KCTD1: variants seen among roughly 807,000 people sequenced by gnomAD.
KCTD1 encodes the protein BTB/POZ domain-containing protein KCTD1.
KCTD1 carries 24 observed loss-of-function variants against 66.0 expected under a neutral mutation model. The ratio of observed to expected loss-of-function variants is 0.36; its 90% confidence interval spans 0.26 to 0.51. The LOEUF is 0.51. Ranked by LOEUF, KCTD1 falls within the 20% of genes least tolerant of loss-of-function variation. The pLI, the probability that KCTD1 is intolerant of heterozygous loss-of-function variation, is 0.95. For synonymous variants in KCTD1, 511 were observed against 517.2 expected (o/e 0.99, Z 0.16); for missense variants, 943 against 1,205.2 (o/e 0.78, Z 3.22).
chr18:26,644,197 A>T (rs1216925182), upstream of KCTD1, among the ~76,000 whole-genome samples: 1 of 152,166 alleles, frequency 6.6e-6, no homozygotes, highest in African/African-American at 2.4e-5. Flanking sequence ...AAAGCCATGT[A>T]AATACTGGAT....
At chr18:26,562,166 T>A (rs950527899) in intron 1 of KCTD1, among the ~76,000 whole-genome samples, 11 of 152,044 alleles carry the variant, frequency 7.2e-5, no homozygotes, top group African/African-American at 2.7e-4. Context: ...ACCTGGACAA[T>A]ATCCCATCCT....
intron 2 of KCTD1, among the ~76,000 whole-genome samples, chr18:26,494,321 T>C (rs1451274587): frequency 1.3e-5 from 2 of 152,178 alleles, no homozygotes; most frequent in African/African-American, 4.8e-5. Flanking sequence ...CAATGAGCTA[T>C]GATCCTGCTA....
At chr18:26,545,980 G>C (rs1985192743) in intron 1 of KCTD1, among the ~76,000 whole-genome samples, 1 of 152,018 alleles carries the variant, frequency 6.6e-6, no homozygotes, top group African/African-American at 2.4e-5. Context: ...TACTTCGTAG[G>C]TATTATCTGC....
At chr18:26,618,229 C>T (rs1987301000) in intron 1 of KCTD1, among the ~76,000 whole-genome samples, 1 of 152,168 alleles carries the variant, frequency 6.6e-6, no homozygotes, top group Non-Finnish European at 1.5e-5. Flanking sequence ...TATGCAGACT[C>T]AGTGGGAATG....
intron 1 of KCTD1, among the ~76,000 whole-genome samples, chr18:26,531,088 C>T (rs556558359): frequency 6.6e-6 from 1 of 152,288 alleles, no homozygotes; most frequent in African/African-American, 2.4e-5. Flanking sequence ...TTTATTTAAA[C>T]AGTAGAAGGA....
intron 1 of KCTD1, among the ~76,000 whole-genome samples, chr18:26,584,937 G>A (rs909568099): frequency 5.9e-5 from 9 of 152,184 alleles, no homozygotes; most frequent in Non-Finnish European, 1.3e-4. Context: ...GGAGGAGCAC[G>A]TAGTCCTGCT....
chr18:26,627,532 C>A (rs1987529768), intron 1 of KCTD1, among the ~76,000 whole-genome samples: 1 of 152,030 alleles, frequency 6.6e-6, no homozygotes, highest in Non-Finnish European at 1.5e-5. Context: ...ACTAATTATC[C>A]CAATGCATTG....
intron 1 of KCTD1, among the ~76,000 whole-genome samples, chr18:26,588,327 A>AAGGGAAGGGAAGGGAAGGGAAG: frequency 4.5e-5 from 5 of 111,038 alleles, no homozygotes; most frequent in Admixed American, 9.1e-5. Context: ...GGGAAGGGAA[A>AAGGGAAGGGAAGGGAAGGGAAG]GGGAGGGGAG....
At chr18:26,640,047 G>A (rs935875183) in intron 1 of KCTD1, among the ~76,000 whole-genome samples, 4 of 152,172 alleles carry the variant, frequency 2.6e-5, no homozygotes, top group African/African-American at 9.7e-5. Context: ...GAGGAGGTAG[G>A]TGGGACAAGC....
chr18:26,619,297 C>T, intron 1 of KCTD1, among the ~76,000 whole-genome samples: 1 of 152,142 alleles, frequency 6.6e-6, no homozygotes, highest in East Asian at 1.9e-4. Context: ...TATTTCCTTA[C>T]TTGACTTTGT....
rs1175355179 is a variant in KCTD1, at chr18:26,476,684, G to A, written c.1989-25C>T. ...TCTGTGATAGAAAAGAGGGAACAGT[G>A]AAGACAATTAGATCAATTGTTCGGG... On this transcript the variant is annotated intron_variant, in intron 2 of 4. Coordinates refer to ENST00000580059, the MANE Select transcript of KCTD1 (RefSeq NM_001142730.3). The surrounding 1 kb of genome is among the most constrained non-coding windows in gnomAD (Gnocchi z 4.9). 1.2e-6 allele frequency: 2 copies of A among 1,606,718 alleles called. No individual in the cohort carries two copies. Among genetic ancestry groups the A allele is most frequent in the Non-Finnish European group, 1.7e-6 (2 of 1,176,370 alleles).
At chr18:26,460,610 G>T (rs982099895) in intron 3 of KCTD1, among the ~76,000 whole-genome samples, 2 of 152,180 alleles carry the variant, frequency 1.3e-5, no homozygotes, top group Non-Finnish European at 2.9e-5. Flanking sequence ...TGATGGAGCT[G>T]CCATCATAGA....
upstream of KCTD1, among the ~76,000 whole-genome samples, chr18:26,551,912 C>T (rs1985580219): frequency 1.3e-5 from 2 of 152,232 alleles, no homozygotes; most frequent in Non-Finnish European, 2.9e-5. Context: ...CAGACTACCA[C>T]CTTGACAATC....
At chr18:26,528,748 T>C (rs1984291642) in intron 1 of KCTD1, among the ~76,000 whole-genome samples, 1 of 152,170 alleles carries the variant, frequency 6.6e-6, no homozygotes, top group Non-Finnish European at 1.5e-5. Flanking sequence ...CCAGGCCTCA[T>C]CTCACTTGAA....
At chr18:26,656,557 G>C (rs1411417898) in intron 1 of KCTD1, among the ~76,000 whole-genome samples, 2 of 150,228 alleles carry the variant, frequency 1.3e-5, no homozygotes, top group East Asian at 3.9e-4. Flanking sequence ...GAAGAGCGCC[G>C]GGCACCGGCC....
chr18:26,559,074 G>A (rs151018000), intron 1 of KCTD1, among the ~76,000 whole-genome samples: 358 of 152,276 alleles, frequency 2.4e-3, no homozygotes, highest in Admixed American at 5.0e-3. Context: ...TGGAGATAGA[G>A]AGTAGAGGAT....
intron 1 of KCTD1, among the ~76,000 whole-genome samples, chr18:26,562,823 T>C (rs1290279746): frequency 6.6e-6 from 1 of 152,216 alleles, no homozygotes; most frequent in Non-Finnish European, 1.5e-5. Context: ...GAGAGGGCTC[T>C]CTGGCATCTC....
intron 1 of KCTD1, chr18:26,575,129 A>C (rs984895586): frequency 4.6e-5 from 7 of 152,172 alleles, no homozygotes; most frequent in African/African-American, 1.7e-4. Context: ...CTCCTGTTGC[A>C]GAAAGAAACA....
At chr18:26,618,464 C>A (rs759233085) in intron 1 of KCTD1, among the ~76,000 whole-genome samples, 1 of 152,150 alleles carries the variant, frequency 6.6e-6, no homozygotes, top group Non-Finnish European at 1.5e-5. Flanking sequence ...CCTCAGAGAA[C>A]CGCAAATCAA....
Sources: gnomAD v4.1 joint callset for allele counts (sites outside exome capture counted in the v4.1 genomes callset) on GRCh38, gnomAD v4.1.1 for gene constraint, Gnocchi (gnomAD v3.1) non-coding constraint, MANE v1.5 for transcripts, NCBI Gene and HGNC (gene_info 2026-07-23, HGNC 2026-07-21) for gene names.